Variants in RALGPS1 observed in about 807,000 individuals in gnomAD.
RALGPS1 encodes the protein ras-specific guanine nucleotide-releasing factor RalGPS1.
RALGPS1 carries 19 observed loss-of-function variants against 78.8 expected under a neutral mutation model. That is an observed-to-expected ratio of 0.24 (90% confidence interval 0.17 to 0.35). The LOEUF (loss-of-function observed/expected upper bound fraction) is 0.35. RALGPS1 is among the 10% of genes least tolerant of loss of function. RALGPS1 has a pLI of 1.00. For synonymous variants in RALGPS1, 228 were observed against 256.3 expected, an observed-to-expected ratio of 0.89 and a Z score of 1.06; for missense variants, 454 against 688.3, an observed-to-expected ratio of 0.66 and a Z score of 3.81.
intron 8 of RALGPS1, among the ~76,000 whole-genome samples, chr9:127,141,671 G>A (rs2057791917): frequency 6.7e-6 from 1 of 150,012 alleles, no homozygotes; most frequent in Non-Finnish European, 1.5e-5. Flanking sequence ...ATCATTTCCT[G>A]GAGAAAGAAA....
intron 4 of RALGPS1, among the ~76,000 whole-genome samples, chr9:127,027,467 G>T (rs2046053793): frequency 6.6e-6 from 1 of 152,122 alleles, no homozygotes; most frequent in Admixed American, 6.5e-5. Flanking sequence ...GTCTCATTAA[G>T]AGTTATAGAA....
intron 8 of RALGPS1, among the ~76,000 whole-genome samples, chr9:127,129,720 A>C (rs1017393997): frequency 1.3e-5 from 2 of 152,192 alleles, no homozygotes; most frequent in Non-Finnish European, 2.9e-5. Context: ...AGGGGCACCC[A>C]CATAGGCCCT....
At position 127,050,139 on chromosome 9, in the gene RALGPS1, T is replaced by G; in HGVS notation, c.390+7T>G. 2 of 1,592,306 alleles carry G rather than the reference T, an allele frequency of 1.3e-6. No homozygotes were observed. Among genetic ancestry groups the G allele is most frequent in the South Asian group, 2.2e-5 (2 of 90,624 alleles). ...TTTTGTGAAAATAGCCAAGGTAAGC[T>G]TTTTATTATTATTTTTCCTTCCTTT... On this transcript the variant is annotated splice_region_variant and intron_variant, in intron 6 of 18. Transcript: ENST00000259351.
chr9:127,071,037 C>A (rs370534787), intron 8 of RALGPS1, among the ~76,000 whole-genome samples: 16,770 of 147,602 alleles, frequency 0.11, 1,056 homozygotes, highest in Middle Eastern at 0.16. Context: ...CTCTCTCTCT[C>A]TCTATATATA....
chr9:127,088,768 G>T, intron 8 of RALGPS1: 1 of 723,320 alleles, frequency 1.4e-6, no homozygotes, highest in Non-Finnish European at 2.3e-6. Flanking sequence ...AGAAAACACC[G>T]TATCGATTCA....
chr9:127,199,083 C>T lies in RALGPS1; in HGVS notation c.1247+17C>T, dbSNP rs1564778106. 6.2e-7 allele frequency: 1 copy of T among 1,611,238 alleles called. No homozygotes were observed. ...GCTGGAAAGGTGAGTGTGGCCTCAG[C>T]ATGGCCTCCCTCCCAGGGGCGGTGC... On this transcript the variant is annotated intron_variant, in intron 14 of 18. Transcript: ENST00000259351.
chr9:127,050,817 G>T (rs969679703), intron 6 of RALGPS1, among the ~76,000 whole-genome samples: 1 of 152,166 alleles, frequency 6.6e-6, no homozygotes, highest in Non-Finnish European at 1.5e-5. Flanking sequence ...GCAGCATCGT[G>T]CTGGCTGTTT....
intron 3 of RALGPS1, among the ~76,000 whole-genome samples, chr9:126,976,729 T>C (rs2040694848): frequency 6.6e-6 from 1 of 152,214 alleles, no homozygotes; most frequent in Non-Finnish European, 1.5e-5. Context: ...GAGTGTCTTC[T>C]CACATTAAAG....
At chr9:127,004,568 A>G (rs1209432502) in intron 4 of RALGPS1, among the ~76,000 whole-genome samples, 1 of 152,214 alleles carries the variant, frequency 6.6e-6, no homozygotes. Flanking sequence ...TTTTCACATC[A>G]CTATGTTATG....
At chr9:127,076,309 G>C (rs1448772284) in intron 8 of RALGPS1, among the ~76,000 whole-genome samples, 1 of 152,194 alleles carries the variant, frequency 6.6e-6, no homozygotes, top group Non-Finnish European at 1.5e-5. Context: ...TTAGAAATGT[G>C]ATGGATCTTA....
intron 4 of RALGPS1, among the ~76,000 whole-genome samples, chr9:126,995,984 G>A (rs371929682): frequency 2.2e-4 from 34 of 152,142 alleles, no homozygotes; most frequent in East Asian, 1.2e-3. Flanking sequence ...TGAAACCAAC[G>A]AGAACAAAGA....
At chr9:127,108,038 G>A (rs981896566) in intron 8 of RALGPS1, 6 of 1,610,966 alleles carry the variant, frequency 3.7e-6, no homozygotes, top group Admixed American at 1.7e-5. Flanking sequence ...TTGATGATGC[G>A]GTTGTAGGTG....
intron 1 of RALGPS1, among the ~76,000 whole-genome samples, chr9:126,954,853 G>T (rs2038195893): frequency 6.6e-6 from 1 of 152,152 alleles, no homozygotes; most frequent in Non-Finnish European, 1.5e-5. Context: ...TACTCCAAAT[G>T]AAACCCCAGC....
intron 8 of RALGPS1, among the ~76,000 whole-genome samples, chr9:127,134,303 C>G (rs928962854): frequency 6.6e-6 from 1 of 152,266 alleles, no homozygotes; most frequent in South Asian, 2.1e-4. Context: ...AGGACATCAC[C>G]CATTCCACAA....
intron 4 of RALGPS1, among the ~76,000 whole-genome samples, chr9:126,991,761 T>C (rs1255270781): frequency 6.6e-6 from 1 of 152,218 alleles, no homozygotes; most frequent in Admixed American, 6.5e-5. Context: ...CATAGTGTTA[T>C]GATGGTTAAG....
intron 4 of RALGPS1, chr9:126,989,758 C>T (rs1228130049): frequency 1.6e-6 from 2 of 1,288,982 alleles, no homozygotes; most frequent in Non-Finnish European, 2.1e-6. Flanking sequence ...AGGAGGCATT[C>T]TGCAGATAAA....
At chr9:127,186,613 T>C (rs4837134) in intron 11 of RALGPS1, among the ~76,000 whole-genome samples, 1 of 152,162 alleles carries the variant, frequency 6.6e-6, no homozygotes, top group Non-Finnish European at 1.5e-5. Context: ...AGGCCCCCCA[T>C]CCCTGGGGCC....
At chr9:127,030,784 G>T (rs1219365176) in intron 4 of RALGPS1, among the ~76,000 whole-genome samples, 1 of 152,106 alleles carries the variant, frequency 6.6e-6, no homozygotes, top group Admixed American at 6.6e-5. Context: ...GGGGTGGGAT[G>T]GGGGCAGGAA....
intron 1 of RALGPS1, among the ~76,000 whole-genome samples, chr9:126,926,447 T>C (rs1382750529): frequency 6.6e-6 from 1 of 152,154 alleles, no homozygotes; most frequent in Non-Finnish European, 1.5e-5. Flanking sequence ...AAACAGATTG[T>C]ACAAAGGTAC....
Sources: allele counts gnomAD v4.1 joint callset (sites outside exome capture counted in the v4.1 genomes callset), GRCh38; gene constraint gnomAD v4.1.1; transcripts MANE v1.5; gene names NCBI Gene and HGNC (gene_info 2026-07-23, HGNC 2026-07-21).